STIL: variants seen among roughly 807,000 people sequenced by gnomAD.
The protein encoded by STIL is STIL centriolar assembly protein.
STIL carries 55 observed loss-of-function variants against 110.1 expected under a neutral mutation model. The ratio of observed to expected loss-of-function variants is 0.50; its 90% CI spans 0.40 to 0.63. STIL has a LOEUF of 0.63. STIL is among the 20% of genes least tolerant of loss of function. The probability of loss-of-function intolerance (pLI) is 0.00; values close to 1 mark genes in which losing one functional copy is unlikely to be tolerated. For missense variants in STIL, 1,358 were observed against 1,530.0 expected, an observed-to-expected ratio of 0.89 and a Z score of 1.87; for synonymous variants, 481 against 530.0, an observed-to-expected ratio of 0.91 and a Z score of 1.27.
intron 15 of STIL, among the ~76,000 whole-genome samples, chr1:47,262,400 C>T (rs1008143816): frequency 3.9e-5 from 6 of 152,162 alleles, no homozygotes; most frequent in Non-Finnish European, 7.3e-5. Context: ...TCCTCAACAG[C>T]CTGTCTTATA....
At chr1:47,270,204 T>C (rs575362686) in intron 13 of STIL, among the ~76,000 whole-genome samples, 1 of 142,172 alleles carries the variant, frequency 7.0e-6, no homozygotes, top group Non-Finnish European at 1.5e-5. Flanking sequence ...TGCTACTGCA[T>C]TCCAGCCTGG....
At chr1:47,255,412 C>T (rs1644300107) in intron 16 of STIL, among the ~76,000 whole-genome samples, 1 of 151,774 alleles carries the variant, frequency 6.6e-6, no homozygotes, top group South Asian at 2.1e-4. Flanking sequence ...GCTGGGTGTG[C>T]TGCTGCACAC....
chr1:47,261,773 A>G (rs1222374681), intron 15 of STIL, among the ~76,000 whole-genome samples: 32 of 150,688 alleles, frequency 2.1e-4, no homozygotes, highest in Non-Finnish European at 8.9e-5. Flanking sequence ...TTAGCCAGGC[A>G]TGGTGGCAGG....
chr1:47,306,577 T>C (rs1190088477), intron 2 of STIL, among the ~76,000 whole-genome samples: 2 of 152,324 alleles, frequency 1.3e-5, no homozygotes, highest in East Asian at 3.9e-4. Context: ...TCTGAACTGA[T>C]TTCCAGATAA....
intron 14 of STIL, among the ~76,000 whole-genome samples, chr1:47,266,785 G>A (rs1328262485): frequency 6.6e-6 from 1 of 152,050 alleles, no homozygotes; most frequent in Non-Finnish European, 1.5e-5. Flanking sequence ...ACATCCTTCA[G>A]TTCTCCACGA....
intron 12 of STIL, 43 bp from the exon 13 acceptor site, chr1:47,272,284 T>A (rs770667505): frequency 6.2e-7 from 1 of 1,606,474 alleles, no homozygotes; most frequent in Non-Finnish European, 8.5e-7. Context: ...AGGGAAGTAA[T>A]CAACAAAACT....
intron 10 of STIL, among the ~76,000 whole-genome samples, chr1:47,284,589 A>G (rs943506139): frequency 1.5e-4 from 23 of 152,182 alleles, no homozygotes; most frequent in Non-Finnish European, 2.8e-4. Flanking sequence ...TTAAAATTTA[A>G]GACAGTAAAG....
intron 8 of STIL, among the ~76,000 whole-genome samples, chr1:47,290,359 A>G (rs1645445461): frequency 6.6e-6 from 1 of 152,246 alleles, no homozygotes. Context: ...GTGTTTCTCT[A>G]TGTATTTTAC....
chr1:47,300,738 AG>A (rs1158442796), intron 5 of STIL, among the ~76,000 whole-genome samples: 1 of 152,224 alleles, frequency 6.6e-6, no homozygotes, highest in African/African-American at 2.4e-5. Flanking sequence ...CTGGGATTAC[AG>A]GCGTAAGCCA....
At chr1:47,272,504 C>T (rs1006850632) in intron 12 of STIL, among the ~76,000 whole-genome samples, 17 of 151,546 alleles carry the variant, frequency 1.1e-4, no homozygotes, top group Non-Finnish European at 2.2e-4. Context: ...GTCACCCAGC[C>T]GTGGTGCAAT....
rs60915271 is a variant in STIL at position 47,263,744 on chromosome 1, G to GTTTTTTTTTTTTT, written c.2616-641_2616-629dup. Among the ~76,000 whole-genome samples, 17 of 98,304 alleles carry GTTTTTTTTTTTTT rather than the reference G, an allele frequency of 1.7e-4. 2 individuals carry two copies. Among genetic ancestry groups the GTTTTTTTTTTTTT allele is most frequent in the South Asian group, 3.5e-4 (1 of 2,850 alleles). The allele number at this position is 98,304 out of a possible 152,430, so 64.5% of individuals were successfully genotyped here. ...TAGGTATGTTATTTGTTCATTCCAA[G>GTTTTTTTTTTTTT]TTTTTTTTTTTTTTTTTTTTTTTTT... On this transcript the variant is annotated intron_variant, in intron 14 of 16. Transcript: ENST00000371877.
At chr1:47,304,038 A>T (rs1645881870) in intron 3 of STIL, among the ~76,000 whole-genome samples, 1 of 152,092 alleles carries the variant, frequency 6.6e-6, no homozygotes, top group Admixed American at 6.6e-5. Flanking sequence ...GTATTATTAT[A>T]GTCATTTTAT....
At chr1:47,309,025 AT>A (rs1196070050) in intron 2 of STIL, among the ~76,000 whole-genome samples, 1 of 151,718 alleles carries the variant, frequency 6.6e-6, no homozygotes, top group African/African-American at 2.4e-5. Flanking sequence ...GCCCTCCAGC[AT>A]AAGTGACAAA....
chr1:47,272,307 A>G, intron 12 of STIL, 66 bp from the exon 13 acceptor site: 1 of 1,554,244 alleles, frequency 6.4e-7, no homozygotes, highest in East Asian at 2.3e-5. Flanking sequence ...CAGCAGTTTA[A>G]TAATGAATTA....
chr1:47,300,107 T>C lies in STIL; in HGVS notation c.499A>G (p.Lys167Glu), dbSNP rs747930665. Reference protein sequence around the residue: ...ICSKDSLDCGKLLSLRVHITS... With the variant: ...ICSKDSLDCGELLSLRVHITS... ...ATATGAACTCTTAGGGAAAGCAGCT[T>C]ACCACAGTCCAAGGAATCTTTGCTA... Residue 167 changes from lysine (K) to glutamate (E), a missense_variant, in exon 6 of 17, where the codon AAG (lysine) becomes GAG (glutamate). Coordinates refer to ENST00000371877, the MANE Select transcript of STIL (RefSeq NM_001048166.1). The C allele has an allele frequency of 1.2e-6, 2 of 1,614,120 alleles. No homozygotes were observed. Among genetic ancestry groups the C allele is most frequent in the Non-Finnish European group, 1.7e-6 (2 of 1,180,002 alleles).
chr1:47,299,445 T>A (rs919778255), intron 6 of STIL, among the ~76,000 whole-genome samples: 2 of 148,164 alleles, frequency 1.3e-5, no homozygotes. Flanking sequence ...CAGGCTAGAG[T>A]GCTGTGGTGC....
intron 16 of STIL, among the ~76,000 whole-genome samples, chr1:47,255,380 C>T (rs1644299311): frequency 6.6e-6 from 1 of 151,850 alleles, no homozygotes; most frequent in Non-Finnish European, 1.5e-5. Flanking sequence ...ATCAAGACCC[C>T]CATCTCTACA....
At chr1:47,264,855 C>A (rs904215594) in intron 14 of STIL, among the ~76,000 whole-genome samples, 19 of 147,646 alleles carry the variant, frequency 1.3e-4, no homozygotes. Flanking sequence ...GTGTTGGGAT[C>A]GACAGAGTTA....
In STIL at chr1:47,251,099, C is replaced by T. The variant is rs2148616567; in HGVS notation, c.*37G>A. On this transcript the variant is annotated 3_prime_UTR_variant, in exon 17 of 17. Transcript: ENST00000371877. ...TTTCCCTAAGTATCTTCAGGAGACA[C>T]CCTGTCCCTGTATTAAAAGGGCAGG... 2 of 1,596,366 alleles carry T rather than the reference C, an allele frequency of 1.3e-6. No individual in the cohort carries two copies. The highest frequency in any genetic ancestry group is 1.7e-6 in the Non-Finnish European group (2 of 1,168,038).
Sources: gnomAD v4.1 joint callset for allele counts (sites outside exome capture counted in the v4.1 genomes callset) on GRCh38, gnomAD v4.1.1 for gene constraint, MANE v1.5 for transcripts, NCBI Gene and HGNC (gene_info 2026-07-23, HGNC 2026-07-21) for gene names.